Variants in DRG1 observed in about 807,000 individuals in gnomAD.
DRG1 encodes developmentally-regulated GTP-binding protein 1.
Under a neutral mutation model 38.8 loss-of-function variants are expected in DRG1, and 19 were observed. The observed-to-expected ratio is 0.49, with a 90% CI of 0.34 to 0.72. DRG1 has a LOEUF of 0.72. Ranked by LOEUF, DRG1 falls within the 30% of genes least tolerant of loss-of-function variation. DRG1 has a pLI of 0.01. For missense variants in DRG1, 299 were observed against 444.8 expected (o/e 0.67, Z 2.95); for synonymous variants, 167 against 157.5 (o/e 1.06, Z -0.45).
chr22:31,409,232 G>A (rs1363544551), intron 3 of DRG1, among the ~76,000 whole-genome samples: 1 of 152,020 alleles, frequency 6.6e-6, no homozygotes, highest in Non-Finnish European at 1.5e-5. Context: ...TTACAGGTGT[G>A]TGCCACCATA....
intron 3 of DRG1, among the ~76,000 whole-genome samples, chr22:31,407,336 CT>C (rs141779176): frequency 0.01 from 1,567 of 152,114 alleles, 26 homozygotes; most frequent in African/African-American, 0.036. Flanking sequence ...TATTATTGTA[CT>C]TTTGCCTCAT....
At chr22:31,400,179 C>T (rs530648885) in intron 1 of DRG1, among the ~76,000 whole-genome samples, 1 of 152,098 alleles carries the variant, frequency 6.6e-6, no homozygotes, top group South Asian at 2.1e-4. Flanking sequence ...ACCCTAATGA[C>T]CCCCTGATTC....
chr22:31,403,748 C>T (rs889916326), intron 3 of DRG1, among the ~76,000 whole-genome samples: 12 of 151,470 alleles, frequency 7.9e-5, no homozygotes, highest in African/African-American at 1.7e-4. Context: ...TCCCAAAATG[C>T]GGGATTACAG....
intron 4 of DRG1, among the ~76,000 whole-genome samples, chr22:31,413,318 C>G (rs1395768709): frequency 6.6e-6 from 1 of 151,194 alleles, no homozygotes; most frequent in African/African-American, 2.4e-5. Flanking sequence ...TGGTCTTGAG[C>G]CCCTGGGCTC....
intron 3 of DRG1, among the ~76,000 whole-genome samples, chr22:31,409,599 A>G (rs1601526604): frequency 6.6e-6 from 1 of 152,174 alleles, no homozygotes; most frequent in African/African-American, 2.4e-5. Context: ...AGAAATTGCA[A>G]TATGTATCAT....
intron 8 of DRG1, among the ~76,000 whole-genome samples, chr22:31,429,759 C>G (rs889433794): frequency 6.6e-6 from 1 of 151,998 alleles, no homozygotes; most frequent in Non-Finnish European, 1.5e-5. Context: ...CCTCAGCCTG[C>G]CTCAGCCTCC....
chr22:31,429,293 A>AT (rs1569052209), intron 8 of DRG1, among the ~76,000 whole-genome samples: 1 of 151,246 alleles, frequency 6.6e-6, no homozygotes, highest in Non-Finnish European at 1.5e-5. Flanking sequence ...TAATTTTTGT[A>AT]TTTTTAGTAG....
intron 6 of DRG1, among the ~76,000 whole-genome samples, chr22:31,424,796 A>AG (rs2050099452): frequency 5.6e-5 from 1 of 17,898 alleles, no homozygotes; most frequent in African/African-American, 4.4e-4. Flanking sequence ...TGTGCCCGGC[A>AG]CCCGCCCCCC....
chr22:31,420,201 G>A (rs2050068717), intron 4 of DRG1, 55 bp from the exon 5 acceptor site: 6 of 1,576,886 alleles, frequency 3.8e-6, no homozygotes, highest in Non-Finnish European at 5.2e-6. Flanking sequence ...TGAGTATTTG[G>A]GTTAGTTAAG....
At chr22:31,400,429 C>T (rs2049954622) in intron 1 of DRG1, among the ~76,000 whole-genome samples, 191 bp from the exon 2 acceptor site, 1 of 152,042 alleles carries the variant, frequency 6.6e-6, no homozygotes, top group Non-Finnish European at 1.5e-5. Flanking sequence ...ATCGTCTTTC[C>T]TCTTTGGGCT....
rs186757961 is a variant in DRG1, at chr22:31,405,667, A to G, written c.342+2463A>G. On this transcript the variant is annotated intron_variant, in intron 3 of 8. Transcript: ENST00000331457. ...ATCAGTTAGGCTCATACTGTTGGGC[A>G]TGTGTGTGTGTGTGGGGGGGTTTAT... Among the ~76,000 whole-genome samples the G allele has an allele frequency of 5.4e-5, 8 of 147,270 alleles. No homozygotes were observed. In the East Asian group the frequency reaches 8.6e-4, roughly 16 times the overall value.
At chr22:31,403,422 C>T (rs944642186) in intron 3 of DRG1, among the ~76,000 whole-genome samples, 5 of 151,936 alleles carry the variant, frequency 3.3e-5, no homozygotes, top group African/African-American at 7.2e-5. Context: ...AATCCCAGCA[C>T]TTTGGGAAGC....
intron 4 of DRG1, among the ~76,000 whole-genome samples, chr22:31,416,274 C>T (rs900954411): frequency 3.9e-5 from 6 of 152,076 alleles, no homozygotes; most frequent in African/African-American, 9.7e-5. Context: ...GAGACTCTGT[C>T]TCAAGAAAGC....
At chr22:31,410,929 GAAAT>G in intron 3 of DRG1, 79 bp from the exon 4 acceptor site, 3 of 1,432,256 alleles carry the variant, frequency 2.1e-6, no homozygotes, top group East Asian at 2.4e-5. Flanking sequence ...AGGTACTTGA[GAAAT>G]AAATTAATTC....
At chr22:31,425,327 T>C (rs2050103864) in intron 6 of DRG1, among the ~76,000 whole-genome samples, 1 of 152,118 alleles carries the variant, frequency 6.6e-6, no homozygotes, top group African/African-American at 2.4e-5. Context: ...CCAGAATTAA[T>C]CCACCTGAGA....
intron 5 of DRG1, among the ~76,000 whole-genome samples, chr22:31,423,073 G>A (rs968015022): frequency 7.2e-5 from 11 of 152,094 alleles, no homozygotes; most frequent in South Asian, 2.1e-4. Flanking sequence ...ATTTGGTGGG[G>A]GAAGGAGGAA....
intron 3 of DRG1, among the ~76,000 whole-genome samples, chr22:31,404,758 A>T (rs1323319481): frequency 6.6e-6 from 1 of 151,586 alleles, no homozygotes; most frequent in African/African-American, 2.4e-5. Flanking sequence ...AGTAGCTGGG[A>T]TTTCAGCCAC....
In DRG1 at chr22:31,423,394, G is replaced by A. The variant is rs751597075; in HGVS notation, c.697G>A (p.Val233Met). ...SDATADDLID[V>M]VEGNRVYIPC... ...TGCTACAGCTGATGACCTCATTGAT[G>A]TGGTGGAAGGAAACAGGTACTGACT... The change falls in exon 6 of 9, where the codon GTG (valine) becomes ATG (methionine). Residue 233 changes from valine (V) to methionine (M), a missense_variant. Coordinates refer to ENST00000331457, the MANE Select transcript of DRG1 (RefSeq NM_004147.4). The A allele has an allele frequency of 5.0e-6, 8 of 1,614,110 alleles. No homozygotes were observed. The highest frequency in any genetic ancestry group is 6.8e-6 in the Non-Finnish European group (8 of 1,180,036).
At chr22:31,432,900 T>C (rs1258749978) in intron 8 of DRG1, among the ~76,000 whole-genome samples, 3 of 151,980 alleles carry the variant, frequency 2.0e-5, no homozygotes, top group African/African-American at 7.2e-5. Context: ...TCAATGATAA[T>C]ATAACAACAA....
Sources: gnomAD v4.1 joint callset for allele counts (sites outside exome capture counted in the v4.1 genomes callset) on GRCh38, gnomAD v4.1.1 for gene constraint, MANE v1.5 for transcripts, NCBI Gene and HGNC (gene_info 2026-07-23, HGNC 2026-07-21) for gene names.